PHF21A: variants seen among roughly 807,000 people sequenced by gnomAD.
PHF21A encodes BHC80a.
In PHF21A, 11 loss-of-function variants were observed where a neutral mutation model predicts 82.5. That is an observed-to-expected ratio of 0.13 (90% CI 0.08 to 0.22). The LOEUF (loss-of-function observed/expected upper bound fraction) is 0.22. Among genes scored for constraint, PHF21A ranks in the 10% least tolerant of loss-of-function variants. The pLI is 1.00. For synonymous variants in PHF21A, 297 were observed against 302.8 expected (o/e 0.98, Z 0.20); for missense variants, 579 against 837.8 (o/e 0.69, Z 3.81).
At chr11:46,003,522 T>C (rs1168301759) in intron 6 of PHF21A, among the ~76,000 whole-genome samples, 2 of 152,136 alleles carry the variant, frequency 1.3e-5, no homozygotes, top group African/African-American at 4.8e-5. Context: ...ACTTGATTTT[T>C]AAAACACCAT....
In PHF21A at chr11:45,998,518, C is replaced by CT. The variant is rs397740160; in HGVS notation, c.154-18553dup. ...CAAAATAACTCTACCATTTCTTTTT[C>CT]TTTTTTTTTTTTAAACAGAGTTTTG... On this transcript the variant is annotated intron_variant, in intron 6 of 18. Coordinates refer to ENST00000676320, the MANE Select transcript of PHF21A (RefSeq NM_001352027.3). 6.1e-4 allele frequency among the ~76,000 whole-genome samples: 89 copies of CT among 145,244 alleles called. No individual in the cohort carries two copies. In the East Asian group the frequency reaches 6.2e-3, roughly 10 times the overall value.
Position 45,969,843 on chromosome 11 carries a change from A to G in PHF21A, c.674T>C (p.Leu225Pro), listed in dbSNP as rs1278674686. The stretch of plus-strand genomic sequence containing the variant: ...TGGAAGAAAGTTTGGACGTGGAGTG[A>G]GTCTAGGAGGGGGGATAAACTGTGG... ...KVPQFIPPPR[L>P]TPRPNFLPQV... Residue 225 changes from leucine to proline, a missense_variant, in exon 9 of 19, where the codon CTC becomes CCC. Physicochemically the swap from Leu to Pro is moderately conservative, Grantham distance 98 (BLOSUM62 -3). This residue lies in a region of PHF21A where 410 missense variants were observed against 642.1 expected (regional missense o/e 0.64). Transcript: ENST00000676320. 6.2e-7 allele frequency: 1 copy of G among 1,613,736 alleles called. No homozygotes were observed. Among genetic ancestry groups the G allele is most frequent in the South Asian group, 1.1e-5 (1 of 91,054 alleles).
intron 10 of PHF21A, among the ~76,000 whole-genome samples, chr11:45,958,425 T>C (rs1250468556): frequency 8.3e-5 from 1 of 12,066 alleles, no homozygotes; most frequent in Non-Finnish European, 1.6e-4. Flanking sequence ...AAAAAATATA[T>C]ATATATATAT....
intron 6 of PHF21A, among the ~76,000 whole-genome samples, chr11:46,069,538 C>T (rs1422921813): frequency 3.3e-5 from 5 of 152,178 alleles, no homozygotes; most frequent in African/African-American, 9.7e-5. Flanking sequence ...GTAACCAACA[C>T]AAGGACTATA....
At chr11:46,078,382 A>T (rs1405844115) in intron 5 of PHF21A, among the ~76,000 whole-genome samples, 4 of 152,214 alleles carry the variant, frequency 2.6e-5, no homozygotes, top group Admixed American at 6.5e-5. Context: ...GATATAGATA[A>T]AGATATATTT....
chr11:46,014,043 A>G (rs770685539), intron 6 of PHF21A, among the ~76,000 whole-genome samples: 4 of 152,184 alleles, frequency 2.6e-5, no homozygotes, highest in Non-Finnish European at 5.9e-5. Flanking sequence ...CAAGGGGTAC[A>G]TGTGCAGGTT....
chr11:46,120,300 CG>C, intron 1 of PHF21A: 1 of 136,032 alleles, frequency 7.4e-6, no homozygotes, highest in South Asian at 2.6e-4. Context: ...GACAGCATCC[CG>C]GGGTGGGGTG....
chr11:46,010,520 ATTGT>A (rs2095390522), intron 6 of PHF21A, among the ~76,000 whole-genome samples: 1 of 152,192 alleles, frequency 6.6e-6, no homozygotes, highest in Non-Finnish European at 1.5e-5. Context: ...GCTTTACGAC[ATTGT>A]TTGGGAATAG....
intron 6 of PHF21A, among the ~76,000 whole-genome samples, chr11:46,020,725 T>G (rs1187315941): frequency 1.3e-5 from 2 of 152,188 alleles, no homozygotes. Flanking sequence ...AACAACCTGT[T>G]TTGAATGCTG....
chr11:45,975,131 T>C (rs186508598), intron 7 of PHF21A, among the ~76,000 whole-genome samples: 13 of 151,840 alleles, frequency 8.6e-5, no homozygotes, highest in Admixed American at 5.3e-4. Flanking sequence ...CTTGGCAACA[T>C]AGTGAAACTC....
intron 6 of PHF21A, among the ~76,000 whole-genome samples, chr11:46,020,472 G>C (rs567327179): frequency 1.4e-4 from 21 of 152,286 alleles, no homozygotes; most frequent in African/African-American, 4.8e-4. Flanking sequence ...TGCTTACCAG[G>C]CTTGTGGATT....
intron 1 of PHF21A, among the ~76,000 whole-genome samples, chr11:46,107,707 T>C (rs1180575078): frequency 1.3e-5 from 2 of 152,208 alleles, no homozygotes; most frequent in Non-Finnish European, 2.9e-5. Context: ...ATTACAACAG[T>C]GAATTATCAC....
At chr11:46,058,138 A>C (rs1267187583) in intron 6 of PHF21A, among the ~76,000 whole-genome samples, 1 of 152,164 alleles carries the variant, frequency 6.6e-6, no homozygotes, top group Non-Finnish European at 1.5e-5. Context: ...CATAGCCTGA[A>C]CACCTCCCTA....
intron 6 of PHF21A, among the ~76,000 whole-genome samples, chr11:46,044,126 C>T: frequency 6.6e-6 from 1 of 152,032 alleles, no homozygotes; most frequent in Non-Finnish European, 1.5e-5. Flanking sequence ...CAAGTTTCAA[C>T]CTAAGCACTA....
chr11:45,954,138 A>G (rs190224790), intron 10 of PHF21A, among the ~76,000 whole-genome samples: 2 of 152,252 alleles, frequency 1.3e-5, no homozygotes, highest in Admixed American at 1.3e-4. Flanking sequence ...CTGGGATTAC[A>G]GGCACCCGCT....
chr11:45,989,503 A>AT (rs2094604803), intron 6 of PHF21A, among the ~76,000 whole-genome samples: 1 of 148,910 alleles, frequency 6.7e-6, no homozygotes, highest in Admixed American at 6.7e-5. Context: ...AAAAAAAAAA[A>AT]AAAAAAATAC....
At chr11:46,077,803 G>A (rs1015896415) in intron 5 of PHF21A, among the ~76,000 whole-genome samples, 2 of 152,176 alleles carry the variant, frequency 1.3e-5, no homozygotes, top group African/African-American at 4.8e-5. Context: ...AGAAATGATA[G>A]TTTCTAGTAA....
intron 1 of PHF21A, among the ~76,000 whole-genome samples, chr11:46,096,403 C>G (rs2096996947): frequency 6.6e-6 from 1 of 152,130 alleles, no homozygotes; most frequent in South Asian, 2.1e-4. Flanking sequence ...AATTCCTCTC[C>G]TCCCAATCTC....
intron 6 of PHF21A, among the ~76,000 whole-genome samples, chr11:46,051,995 C>T (rs1319835828): frequency 1.3e-5 from 2 of 152,066 alleles, no homozygotes; most frequent in Admixed American, 1.3e-4. Context: ...AGGTAGCCTC[C>T]CAAAGTTTAC....
Sources: gnomAD v4.1 joint callset for allele counts (sites outside exome capture counted in the v4.1 genomes callset) on GRCh38, gnomAD v4.1.1 for gene constraint, gnomAD v4.1.1 regional missense constraint, MANE v1.5 for transcripts, NCBI Gene and HGNC (gene_info 2026-07-23, HGNC 2026-07-21) for gene names.